Variants in NRG1 observed in about 807,000 individuals in gnomAD.
NRG1 encodes neuregulin 1.
A neutral mutation model predicts 63.8 loss-of-function variants in NRG1; 18 were observed. The ratio of observed to expected loss-of-function variants is 0.28; its 90% CI spans 0.19 to 0.42. The LOEUF (loss-of-function observed/expected upper bound fraction) is 0.42, where lower values mean the gene tolerates loss of function less well. Among genes scored for constraint, NRG1 ranks in the 10% least tolerant of loss-of-function variants. The pLI is 1.00. For synonymous variants in NRG1, 302 were observed against 301.3 expected, an observed-to-expected ratio of 1.00 and a Z score of -0.02; for missense variants, 762 against 814.7, an observed-to-expected ratio of 0.94 and a Z score of 0.79.
chr8:32,581,284 G>T (rs1390357462), intron 1 of NRG1, among the ~76,000 whole-genome samples: 2 of 152,200 alleles, frequency 1.3e-5, no homozygotes. Context: ...CTAGCTGCAT[G>T]CCAGAAGAAG....
At chr8:32,763,600 T>G in intron 11 of NRG1, 148 bp from the exon 12 acceptor site, 1 of 1,064,990 alleles carries the variant, frequency 9.4e-7, no homozygotes, top group Non-Finnish European at 1.3e-6. Flanking sequence ...GGTGTGGAAT[T>G]TCCTAGCCTA....
At chr8:32,194,687 A>G (rs1842803378) in intron 1 of NRG1, among the ~76,000 whole-genome samples, 1 of 152,148 alleles carries the variant, frequency 6.6e-6, no homozygotes, top group Non-Finnish European at 1.5e-5. Context: ...ATATTTGGAG[A>G]GTAGTGTTTG....
At chr8:31,897,993 G>T (rs1475250611) in intron 1 of NRG1, among the ~76,000 whole-genome samples, 1 of 146,574 alleles carries the variant, frequency 6.8e-6, no homozygotes, top group Non-Finnish European at 1.5e-5. Flanking sequence ...CTCCAGCCTG[G>T]GTGACAAGAG....
At chr8:31,999,492 T>C (rs1812573799) in intron 1 of NRG1, among the ~76,000 whole-genome samples, 1 of 151,990 alleles carries the variant, frequency 6.6e-6, no homozygotes, top group African/African-American at 2.4e-5. Flanking sequence ...CTGAAAACTT[T>C]AGTTCATGTA....
intron 1 of NRG1, among the ~76,000 whole-genome samples, chr8:31,821,818 C>A (rs1824032722): frequency 6.6e-6 from 1 of 151,974 alleles, no homozygotes; most frequent in Non-Finnish European, 1.5e-5. Context: ...AACGTCTTTA[C>A]AGTGTCAAAG....
intron 1 of NRG1, chr8:32,256,770 C>T: frequency 6.6e-6 from 1 of 152,464 alleles, no homozygotes; most frequent in Non-Finnish European, 1.5e-5. Flanking sequence ...GATCAGGGAG[C>T]CACTTGAGGA....
chr8:32,592,750 G>T (rs977390741), intron 1 of NRG1, among the ~76,000 whole-genome samples: 12 of 151,794 alleles, frequency 7.9e-5, no homozygotes, highest in African/African-American at 2.7e-4. Flanking sequence ...GAGTGGTAAG[G>T]GGGGAAACAT....
chr8:32,759,677 C>T (rs181169600), intron 10 of NRG1, among the ~76,000 whole-genome samples: 46 of 152,266 alleles, frequency 3.0e-4, no homozygotes, highest in Admixed American at 1.7e-3. Flanking sequence ...TGCTACTCAC[C>T]GAATTGCTAC....
intron 1 of NRG1, among the ~76,000 whole-genome samples, chr8:32,164,741 T>C (rs1397127775): frequency 1.3e-5 from 2 of 152,248 alleles, no homozygotes; most frequent in Non-Finnish European, 2.9e-5. Flanking sequence ...TCTTCTCCTT[T>C]AATCAAAGAT....
chr8:32,520,900 T>C (rs1202231288), intron 1 of NRG1, among the ~76,000 whole-genome samples: 5 of 152,326 alleles, frequency 3.3e-5, no homozygotes, highest in Middle Eastern at 3.4e-3. Flanking sequence ...CCCCACCCTT[T>C]AGTCACTTAG....
At chr8:32,082,027 T>C (rs1160481005) in intron 1 of NRG1, among the ~76,000 whole-genome samples, 1 of 151,976 alleles carries the variant, frequency 6.6e-6, no homozygotes, top group Non-Finnish European at 1.5e-5. Context: ...GCAGAAGAAA[T>C]CACTCTTAAA....
intron 1 of NRG1, among the ~76,000 whole-genome samples, chr8:32,041,890 T>C (rs1283838595): frequency 1.3e-5 from 2 of 152,146 alleles, no homozygotes; most frequent in African/African-American, 4.8e-5. Context: ...CAAATCCAAA[T>C]TGTACATGAA....
chr8:32,189,153 T>C (rs1842244220), intron 1 of NRG1, among the ~76,000 whole-genome samples: 1 of 152,094 alleles, frequency 6.6e-6, no homozygotes, highest in South Asian at 2.1e-4. Context: ...TTCAGGGGGT[T>C]ACATGTACAG....
At chr8:32,726,934 A>G (rs946790371) in intron 5 of NRG1, among the ~76,000 whole-genome samples, 1 of 151,194 alleles carries the variant, frequency 6.6e-6, no homozygotes, top group African/African-American at 2.4e-5. Flanking sequence ...TTTTTTTCCT[A>G]AAAGAGTATA....
At chr8:32,448,899 T>C (rs1380482858) in intron 1 of NRG1, among the ~76,000 whole-genome samples, 1 of 151,590 alleles carries the variant, frequency 6.6e-6, no homozygotes, top group African/African-American at 2.4e-5. Context: ...CTGAAGTGTA[T>C]GTGTGTGTGT....
intron 1 of NRG1, among the ~76,000 whole-genome samples, chr8:32,223,061 A>T (rs919196940): frequency 2.0e-5 from 3 of 152,236 alleles, no homozygotes; most frequent in Non-Finnish European, 2.9e-5. Context: ...TATCAGATAG[A>T]CAGGAAAAAA....
chr8:32,141,579 C>T (rs1342572891), intron 1 of NRG1, among the ~76,000 whole-genome samples: 9 of 71,826 alleles, frequency 1.3e-4, no homozygotes, highest in Admixed American at 1.6e-4. Flanking sequence ...ATATACATAT[C>T]CTATGTGTGT....
At chr8:32,008,987 G>T (rs1814270833) in intron 1 of NRG1, among the ~76,000 whole-genome samples, 1 of 152,000 alleles carries the variant, frequency 6.6e-6, no homozygotes, top group South Asian at 2.1e-4. Context: ...TCACAGGTGG[G>T]ATATTTTTGA....
intron 1 of NRG1, among the ~76,000 whole-genome samples, chr8:31,773,068 A>G (rs1468632811): frequency 1.3e-5 from 2 of 152,250 alleles, no homozygotes; most frequent in Non-Finnish European, 2.9e-5. Flanking sequence ...ACTCTAATGC[A>G]GAAAGGTTGG....
Sources: gnomAD v4.1 joint callset for allele counts (sites outside exome capture counted in the v4.1 genomes callset) on GRCh38, gnomAD v4.1.1 for gene constraint, MANE v1.5 for transcripts, NCBI Gene and HGNC (gene_info 2026-07-23, HGNC 2026-07-21) for gene names.